The following ARHGEF10 variants were observed in gnomAD, a reference collection of about 807,000 sequenced individuals.
The protein encoded by ARHGEF10 is Rho guanine nucleotide exchange factor 10, also known as Rho guanine nucleotide exchange factor (GEF) 10.
Under a neutral mutation model 147.4 loss-of-function variants are expected in ARHGEF10, and 140 were observed. The ratio of observed to expected loss-of-function variants is 0.95; its 90% CI spans 0.83 to 1.09. The LOEUF is 1.09. Among genes scored for constraint, ARHGEF10 ranks in the 50% least tolerant of loss-of-function variants. The probability of loss-of-function intolerance (pLI) is 0.00; values close to 1 mark genes in which losing one functional copy is unlikely to be tolerated. For missense variants in ARHGEF10, 2,222 were observed against 1,752.7 expected, an observed-to-expected ratio of 1.27 and a Z score of -4.78; for synonymous variants, 902 against 695.8, an observed-to-expected ratio of 1.30 and a Z score of -4.67.
At chr8:1,889,936 G>A in intron 11 of ARHGEF10, among the ~76,000 whole-genome samples, 1 of 128,626 alleles carries the variant, frequency 7.8e-6, no homozygotes, top group South Asian at 2.7e-4. Flanking sequence ...TGGGGCGAGG[G>A]TTGTGAGGAG....
Position 1,839,257 on chromosome 8 carries a change from G to A in ARHGEF10, c.-47-4096G>A, listed in dbSNP as rs541527650. On this transcript the variant is annotated intron_variant, in intron 1 of 28. Transcript: ENST00000349830. ...CTGTCTGGTGTGGGGACTGTCCGCT[G>A]TGGGTACTGTCTGGTGTGGAAGCTG... is the stretch of plus-strand genomic sequence containing the variant. 8.1e-5 allele frequency among the ~76,000 whole-genome samples: 12 copies of A among 148,844 alleles called. 1 individual carries two copies. The South Asian group carries it at 2.6e-3, about 32-fold the overall frequency.
chr8:1,920,023 A>AGCTGTTCTATGGGTGATGGG (rs1812137714), intron 18 of ARHGEF10, among the ~76,000 whole-genome samples: 6 of 86,460 alleles, frequency 6.9e-5, no homozygotes, highest in South Asian at 9.1e-4. Context: ...TGGATGATGG[A>AGCTGTTCTATGGGTGATGGG]GCTGTTCTAT....
chr8:1,894,294 G>C, intron 12 of ARHGEF10, 99 bp from the exon 13 acceptor site: 1 of 1,270,444 alleles, frequency 7.9e-7, no homozygotes, highest in Non-Finnish European at 1.1e-6. Flanking sequence ...AGGCTGCAGT[G>C]AGCCATGATC....
In ARHGEF10 at chr8:1,872,622, T is replaced by A. The variant is rs116360165; in HGVS notation, c.679+3372T>A. On this transcript the variant is annotated intron_variant, in intron 7 of 28. Coordinates refer to ENST00000349830, the MANE Select transcript of ARHGEF10 (RefSeq NM_014629.4). ...CCAAATTGATGGACATAAACCCATATGCTTATCTCAGCATGTGTTTAAAAA... is the reference window on the plus strand; with the variant it reads ...CCAAATTGATGGACATAAACCCATAAGCTTATCTCAGCATGTGTTTAAAAA... Among the ~76,000 whole-genome samples, 1,402 of 152,322 alleles carry A rather than the reference T, an allele frequency of 9.2e-3. 20 individuals are homozygous for A. The highest frequency in any genetic ancestry group is 0.032 in the African/African-American group (1,316 of 41,566).
At chr8:1,879,197 C>A (rs1360947691) in intron 8 of ARHGEF10, among the ~76,000 whole-genome samples, 1 of 152,168 alleles carries the variant, frequency 6.6e-6, no homozygotes, top group African/African-American at 2.4e-5. Context: ...CAGCCACGTG[C>A]ATCTGAAGTG....
chr8:1,912,722 C>A (rs562297207), intron 18 of ARHGEF10, among the ~76,000 whole-genome samples: 1 of 152,302 alleles, frequency 6.6e-6, no homozygotes, highest in South Asian at 2.1e-4. Flanking sequence ...CCCAAACTCC[C>A]TGATGCTGTT....
At chr8:1,848,156 T>G (rs1443432601) in intron 2 of ARHGEF10, among the ~76,000 whole-genome samples, 1 of 152,270 alleles carries the variant, frequency 6.6e-6, no homozygotes, top group African/African-American at 2.4e-5. Flanking sequence ...CTATGCGTCT[T>G]CTTTTGCATC....
At chr8:1,832,072 G>A (rs1803143788) in intron 1 of ARHGEF10, among the ~76,000 whole-genome samples, 1 of 152,202 alleles carries the variant, frequency 6.6e-6, no homozygotes, top group African/African-American at 2.4e-5. Context: ...GGCTGGAGGA[G>A]CAGCGGTGGG....
chr8:1,849,599 ACGG>A lies in ARHGEF10; in HGVS notation c.37+6165_37+6167del, dbSNP rs1804856104. Among the ~76,000 whole-genome samples the A allele has an allele frequency of 2.2e-5, 3 of 136,400 alleles. 1 individual carries two copies. The highest frequency in any genetic ancestry group is 4.8e-4 in the South Asian group (2 of 4,128). The allele number at this position is 136,400 out of a possible 152,430, so 89.5% of individuals were successfully genotyped here. ...CGTGGGGCCAGCTGCGTGGACACAG[ACGG>A]CAAATGCTGAGGAGGGCGTGGGGCA... On this transcript the variant is annotated intron_variant, in intron 2 of 28. Transcript: ENST00000349830.
rs754309332 is a variant in ARHGEF10 at position 1,903,400 on chromosome 8, C to T, written c.1770C>T (p.Arg590=). 1.9e-6 allele frequency: 3 copies of T among 1,614,206 alleles called. No individual in the cohort carries two copies. The South Asian group carries it at 3.3e-5, about 18-fold the overall frequency. The change falls in exon 16 of 29, where the codon CGC becomes CGT. Residue 590 remains arginine, a synonymous_variant. Transcript: ENST00000349830. ...AAAGAAAGAGAGATGCTGATCAACG[C>T]TGTGAAGTGAAGCAAATAGCCAAAG... ...LNERKRDADQ[R]CEVKQIAKAI... is the part of the protein sequence containing the mutation.
chr8:1,866,446 C>A (rs1039278408), intron 5 of ARHGEF10, 80 bp from the exon 6 acceptor site: 2 of 1,125,024 alleles, frequency 1.8e-6, no homozygotes, highest in Non-Finnish European at 2.7e-6. Flanking sequence ...CACACACACA[C>A]ACACTCTGCA....
At chr8:1,953,931 C>G (rs1441908442) in intron 28 of ARHGEF10, among the ~76,000 whole-genome samples, 1 of 152,202 alleles carries the variant, frequency 6.6e-6, no homozygotes, top group African/African-American at 2.4e-5. Context: ...CCCAGGCCGA[C>G]CTGACGGTGG....
intron 25 of ARHGEF10, among the ~76,000 whole-genome samples, chr8:1,929,823 G>T (rs1194375208): frequency 6.6e-6 from 1 of 152,160 alleles, no homozygotes. Context: ...TCTTTGCCCC[G>T]GTGCTGTGCC....
chr8:1,956,711 A>G (rs1815594207), intron 28 of ARHGEF10, 38 bp from the exon 29 acceptor site: 3 of 1,613,100 alleles, frequency 1.9e-6, no homozygotes, highest in Admixed American at 1.7e-5. Context: ...AATTTTGCCT[A>G]TTTTAAAAGA....
intron 26 of ARHGEF10, among the ~76,000 whole-genome samples, chr8:1,942,535 C>T (rs1034531491): frequency 6.6e-6 from 1 of 152,088 alleles, no homozygotes; most frequent in Non-Finnish European, 1.5e-5. Context: ...TCTGAGAAGA[C>T]AGTTTGTGAT....
At chr8:1,895,034 C>G (rs566720143) in intron 13 of ARHGEF10, among the ~76,000 whole-genome samples, 43 of 152,240 alleles carry the variant, frequency 2.8e-4, no homozygotes, top group East Asian at 1.7e-3. Flanking sequence ...TGGGAAAATT[C>G]CTAGATGTTT....
chr8:1,840,705 C>A (rs1374493768), intron 1 of ARHGEF10, among the ~76,000 whole-genome samples: 1 of 152,102 alleles, frequency 6.6e-6, no homozygotes, highest in East Asian at 1.9e-4. Context: ...AGGTTTCCTC[C>A]CATGAGCGTC....
chr8:1,856,029 T>C (rs1805525480), intron 2 of ARHGEF10, among the ~76,000 whole-genome samples: 1 of 152,140 alleles, frequency 6.6e-6, no homozygotes, highest in Admixed American at 6.5e-5. Context: ...AAATTAGCGG[T>C]TCTGTCCATT....
In ARHGEF10 at chr8:1,829,827, G is replaced by A. The variant is rs143029230; in HGVS notation, c.-48+5714G>A. ...CTGCGGAGGAAGAACGCGCGGCGAGGCCCGGGGAGGCTGCTGGGACGGCGG... is the reference window on the plus strand; with the variant it reads ...CTGCGGAGGAAGAACGCGCGGCGAGACCCGGGGAGGCTGCTGGGACGGCGG... On this transcript the variant is annotated intron_variant, in intron 1 of 28. Coordinates refer to ENST00000349830, the MANE Select transcript of ARHGEF10 (RefSeq NM_014629.4). Among the ~76,000 whole-genome samples the A allele has an allele frequency of 4.2e-3, 636 of 152,320 alleles. 6 individuals carry two copies. Among genetic ancestry groups the A allele is most frequent in the Non-Finnish European group, 4.7e-3 (323 of 68,028 alleles).
Sources: gnomAD v4.1 joint callset for allele counts (sites outside exome capture counted in the v4.1 genomes callset) on GRCh38, gnomAD v4.1.1 for gene constraint, MANE v1.5 for transcripts, NCBI Gene and HGNC (gene_info 2026-07-23, HGNC 2026-07-21) for gene names.